The following CSMD1 variants were observed in gnomAD, a reference collection of about 807,000 sequenced individuals.
The protein encoded by CSMD1 is CUB and sushi domain-containing protein 1.
A neutral mutation model predicts 417.5 loss-of-function variants in CSMD1; 213 were observed. The ratio of observed to expected loss-of-function variants is 0.51; its 90% CI spans 0.46 to 0.57. The LOEUF (loss-of-function observed/expected upper bound fraction) is 0.57, where lower values mean the gene tolerates loss of function less well. CSMD1 is among the 20% of genes least tolerant of loss of function. The probability of loss-of-function intolerance (pLI) is 0.00; values close to 1 mark genes in which losing one functional copy is unlikely to be tolerated. For synonymous variants in CSMD1, 2,862 were observed against 1,736.8 expected (o/e 1.65, Z -16.11); for missense variants, 6,923 against 4,529.7 (o/e 1.53, Z -15.17).
At chr8:4,684,783 C>A (rs1348687881) in intron 1 of CSMD1, among the ~76,000 whole-genome samples, 1 of 152,094 alleles carries the variant, frequency 6.6e-6, no homozygotes, top group South Asian at 2.1e-4. Context: ...TTTGATTTTG[C>A]AATTTTAATT....
At chr8:3,854,035 A>T (rs968002536) in intron 5 of CSMD1, among the ~76,000 whole-genome samples, 26 of 146,222 alleles carry the variant, frequency 1.8e-4, no homozygotes, top group Non-Finnish European at 3.6e-4. Flanking sequence ...TATATTAAAT[A>T]TAATATACTA....
chr8:4,218,311 C>T (rs1264361757), intron 3 of CSMD1, among the ~76,000 whole-genome samples: 1 of 152,168 alleles, frequency 6.6e-6, no homozygotes, highest in Non-Finnish European at 1.5e-5. Flanking sequence ...ACTGTGAATT[C>T]TTAGCCTATT....
At chr8:4,220,502 T>C (rs1443772255) in intron 3 of CSMD1, among the ~76,000 whole-genome samples, 1 of 152,080 alleles carries the variant, frequency 6.6e-6, no homozygotes, top group Admixed American at 6.5e-5. Flanking sequence ...GTGTAAGAAA[T>C]ATCTAATCCT....
chr8:4,599,171 C>T (rs542440545), intron 2 of CSMD1, among the ~76,000 whole-genome samples: 11 of 152,108 alleles, frequency 7.2e-5, no homozygotes, highest in Non-Finnish European at 1.5e-4. Context: ...GTAGGGAGAA[C>T]TTAAAACTTA....
chr8:4,191,121 G>T (rs552088555), intron 3 of CSMD1, among the ~76,000 whole-genome samples: 1 of 152,214 alleles, frequency 6.6e-6, no homozygotes, highest in African/African-American at 2.4e-5. Flanking sequence ...ACAAGGCCAG[G>T]CGAGGTAGCT....
intron 12 of CSMD1, among the ~76,000 whole-genome samples, chr8:3,465,461 C>T (rs772739477): frequency 4.6e-5 from 7 of 152,118 alleles, no homozygotes; most frequent in African/African-American, 7.2e-5. Flanking sequence ...TCCTGGTCCA[C>T]GTGTCCTGAG....
intron 3 of CSMD1, among the ~76,000 whole-genome samples, chr8:4,063,817 T>A (rs147659619): frequency 6.6e-6 from 1 of 152,214 alleles, no homozygotes; most frequent in African/African-American, 2.4e-5. Context: ...TGAGAGCACT[T>A]TGAATGTGGT....
chr8:2,965,383 G>A (rs889933571), intron 59 of CSMD1, among the ~76,000 whole-genome samples: 9 of 152,170 alleles, frequency 5.9e-5, no homozygotes, highest in African/African-American at 1.7e-4. Context: ...TGATTGGCTC[G>A]TCTCTCCAAC....
chr8:4,535,149 GAAAATTA>G (rs1421753307), intron 2 of CSMD1, among the ~76,000 whole-genome samples: 10 of 152,082 alleles, frequency 6.6e-5, no homozygotes. Context: ...TAACAACTTT[GAAAATTA>G]TATAATGCAG....
chr8:4,739,908 C>T (rs1170931355), intron 1 of CSMD1, among the ~76,000 whole-genome samples: 1 of 152,150 alleles, frequency 6.6e-6, no homozygotes, highest in Non-Finnish European at 1.5e-5. Flanking sequence ...TTTCTCCACC[C>T]TCCCTTCTTC....
rs909076282 is a variant in CSMD1, at chr8:3,274,386, G to A, written c.4153+9758C>T. ...TTTGGAGTAGGTGTGGTGTGGTGCT[G>A]AAAAAAATGTATATTCTGTTGATTT... is the stretch of plus-strand genomic sequence containing the variant. On this transcript the variant is annotated intron_variant, in intron 26 of 69. Transcript: ENST00000635120. 1.5e-4 allele frequency among the ~76,000 whole-genome samples: 23 copies of A among 152,092 alleles called. 1 individual carries two copies.
intron 7 of CSMD1, among the ~76,000 whole-genome samples, chr8:3,684,698 C>T (rs752666778): frequency 1.3e-5 from 2 of 151,410 alleles, no homozygotes; most frequent in Admixed American, 6.6e-5. Flanking sequence ...CGCAGGTTCA[C>T]GCCATTCTCC....
intron 5 of CSMD1, among the ~76,000 whole-genome samples, chr8:3,944,315 T>G (rs778302108): frequency 6.6e-6 from 1 of 152,140 alleles, no homozygotes; most frequent in Non-Finnish European, 1.5e-5. Context: ...GATAATTAAC[T>G]TTTGCATAAT....
At chr8:3,865,858 G>A (rs773287567) in intron 5 of CSMD1, among the ~76,000 whole-genome samples, 2 of 152,070 alleles carry the variant, frequency 1.3e-5, no homozygotes, top group Non-Finnish European at 2.9e-5. Flanking sequence ...GGAAACACGT[G>A]TTATAGTATA....
At chr8:3,565,056 C>T (rs955572846) in intron 10 of CSMD1, among the ~76,000 whole-genome samples, 3 of 141,190 alleles carry the variant, frequency 2.1e-5, no homozygotes, top group African/African-American at 7.8e-5. Context: ...ACCTGCACAT[C>T]CTGCACATGG....
At chr8:4,455,854 C>A (rs976520141) in intron 2 of CSMD1, among the ~76,000 whole-genome samples, 11 of 130,496 alleles carry the variant, frequency 8.4e-5, no homozygotes, top group African/African-American at 3.2e-4. Flanking sequence ...CTGCTTGAAC[C>A]TGGGAGACAG....
chr8:4,018,795 A>G (rs2740937), intron 4 of CSMD1, among the ~76,000 whole-genome samples: 96,882 of 152,058 alleles, frequency 0.64, 31,301 homozygotes, highest in African/African-American at 0.72. Context: ...TCCAGGGTCA[A>G]ATTCTGCCTT....
At chr8:3,183,885 T>TA (rs776797629) in intron 36 of CSMD1, among the ~76,000 whole-genome samples, 1 of 152,226 alleles carries the variant, frequency 6.6e-6, no homozygotes. Flanking sequence ...CAGGCAGCCT[T>TA]ATGTTAACCA....
intron 2 of CSMD1, among the ~76,000 whole-genome samples, chr8:4,424,547 C>T (rs1038112680): frequency 1.3e-5 from 2 of 152,008 alleles, no homozygotes; most frequent in Non-Finnish European, 1.5e-5. Context: ...ATAATGACAA[C>T]ATCACATGCT....
Sources: gnomAD v4.1 joint callset for allele counts (sites outside exome capture counted in the v4.1 genomes callset) on GRCh38, gnomAD v4.1.1 for gene constraint, MANE v1.5 for transcripts, NCBI Gene and HGNC (gene_info 2026-07-23, HGNC 2026-07-21) for gene names.